Variants in CPA6 observed in about 807,000 individuals in gnomAD.
CPA6 encodes the protein carboxypeptidase B.
A neutral mutation model predicts 63.3 loss-of-function variants in CPA6; 58 were observed. That is an observed-to-expected ratio of 0.92 (90% CI 0.74 to 1.14). The LOEUF (loss-of-function observed/expected upper bound fraction) is 1.14, where lower values mean the gene tolerates loss of function less well. CPA6 is among the 50% of genes most tolerant of loss of function. The pLI, the probability that CPA6 is intolerant of heterozygous loss-of-function variation, is 0.00. For synonymous variants in CPA6, 185 were observed against 179.0 expected (o/e 1.03, Z -0.27); for missense variants, 565 against 526.6 (o/e 1.07, Z -0.71).
chr8:67,518,191 A>G, intron 2 of CPA6, 144 bp from the exon 3 acceptor site: 3 of 661,368 alleles, frequency 4.5e-6, no homozygotes, highest in Non-Finnish European at 7.0e-6. Context: ...TCATCAGGGT[A>G]AAACTATTTG....
intron 2 of CPA6, among the ~76,000 whole-genome samples, chr8:67,619,401 A>C (rs1454796211): frequency 6.6e-6 from 1 of 152,184 alleles, no homozygotes; most frequent in Non-Finnish European, 1.5e-5. Context: ...ATGGCTGGCT[A>C]GATTCTCTCT....
intron 5 of CPA6, among the ~76,000 whole-genome samples, 194 bp downstream of exon 5, chr8:67,509,323 T>C (rs1244362847): frequency 2.0e-5 from 3 of 152,188 alleles, no homozygotes; most frequent in Non-Finnish European, 1.5e-5. Context: ...GGCAAAAGTA[T>C]TCTCTGAAAT....
At chr8:67,475,810 TTTCTTTCCTTTCTTTTCTTTCTTTCTTTC>T (rs1811177675) in intron 8 of CPA6, among the ~76,000 whole-genome samples, 1 of 73,726 alleles carries the variant, frequency 1.4e-5, no homozygotes, top group Non-Finnish European at 2.5e-5. Context: ...TCTTTCTTTC[TTTCTTTCCTTTCTTTTCTTTCTTTCTTTC>T]TTTCTTTCTT....
intron 1 of CPA6, among the ~76,000 whole-genome samples, chr8:67,726,014 T>G (rs1817589802): frequency 6.6e-6 from 1 of 152,120 alleles, no homozygotes; most frequent in Non-Finnish European, 1.5e-5. Flanking sequence ...AGCTGCAAAT[T>G]TAAGATTTTT....
At chr8:67,562,746 G>C (rs1169824733) in intron 2 of CPA6, among the ~76,000 whole-genome samples, 2 of 152,162 alleles carry the variant, frequency 1.3e-5, no homozygotes, top group East Asian at 3.9e-4. Context: ...GAAAGATGCT[G>C]TCTCTCAATC....
intron 1 of CPA6, among the ~76,000 whole-genome samples, chr8:67,713,073 C>G (rs1426657390): frequency 5.1e-5 from 5 of 97,732 alleles, no homozygotes; most frequent in Admixed American, 2.3e-4. Flanking sequence ...ATGTGTGTAT[C>G]TGTGTGTGTA....
chr8:67,440,650 T>C (rs757004093), intron 8 of CPA6, among the ~76,000 whole-genome samples: 2 of 152,168 alleles, frequency 1.3e-5, no homozygotes, highest in Non-Finnish European at 2.9e-5. Flanking sequence ...TCATAGAATG[T>C]ACTTATGCAA....
intron 8 of CPA6, among the ~76,000 whole-genome samples, chr8:67,461,572 T>C (rs925164627): frequency 6.6e-6 from 1 of 152,234 alleles, no homozygotes; most frequent in African/African-American, 2.4e-5. Context: ...CAATGAGCTG[T>C]TGGGTACACC....
chr8:67,714,033 T>A (rs1817327920), intron 1 of CPA6, among the ~76,000 whole-genome samples: 1 of 152,212 alleles, frequency 6.6e-6, no homozygotes, highest in Non-Finnish European at 1.5e-5. Flanking sequence ...AAAATTTTTT[T>A]TTTAAATATC....
At chr8:67,585,027 G>A (rs888605821) in intron 2 of CPA6, among the ~76,000 whole-genome samples, 2 of 152,122 alleles carry the variant, frequency 1.3e-5, no homozygotes, top group African/African-American at 4.8e-5. Context: ...AGAATAATGT[G>A]ATAAGGAAAA....
chr8:67,517,004 A>C (rs901558103), intron 3 of CPA6, among the ~76,000 whole-genome samples: 12 of 151,956 alleles, frequency 7.9e-5, no homozygotes, highest in African/African-American at 1.2e-4. Flanking sequence ...ACCATGTGGA[A>C]CATCCTGGTC....
chr8:67,519,870 T>C (rs1257432077), intron 2 of CPA6, among the ~76,000 whole-genome samples: 1 of 152,216 alleles, frequency 6.6e-6, no homozygotes, highest in Non-Finnish European at 1.5e-5. Context: ...TTTAACAAGA[T>C]TGTCAGGCAT....
chr8:67,468,629 T>TAAAATAAAATAAAATAAAATAAA (rs1563964463), intron 8 of CPA6, among the ~76,000 whole-genome samples: 1 of 120,486 alleles, frequency 8.3e-6, no homozygotes, highest in African/African-American at 3.5e-5. Context: ...AATAAAATAA[T>TAAAATAAAATAAAATAAAATAAA]AATAATAAGA....
chr8:67,657,856 T>A (rs1816022303), intron 1 of CPA6, among the ~76,000 whole-genome samples: 1 of 152,308 alleles, frequency 6.6e-6, no homozygotes. Context: ...GCACTCTCCC[T>A]GCAGCCACCA....
chr8:67,603,396 T>C (rs1015108469), intron 2 of CPA6, among the ~76,000 whole-genome samples: 1 of 152,168 alleles, frequency 6.6e-6, no homozygotes, highest in Admixed American at 6.5e-5. Context: ...TACAAACACA[T>C]TTATTATATA....
At chr8:67,550,594 G>A (rs1022087804) in intron 2 of CPA6, among the ~76,000 whole-genome samples, 8 of 152,140 alleles carry the variant, frequency 5.3e-5, no homozygotes, top group African/African-American at 1.4e-4. Context: ...GTAGTCCTAA[G>A]TTCTCTGAGA....
In CPA6 at chr8:67,483,797, G is replaced by A. The variant is rs114402678; in HGVS notation, c.809C>T (p.Ala270Val). 5.5e-4 allele frequency: 892 copies of A among 1,614,054 alleles called. 2 individuals carry two copies. The African/African-American group carries it at 9.6e-3, about 17-fold the overall frequency. The change falls in exon 8 of 11, where the codon GCC (alanine) becomes GTC (valine). Residue 270 changes from alanine (A) to valine (V), a missense_variant. Ala to Val is a moderately conservative substitution (Grantham distance 64, BLOSUM62 0). Coordinates refer to ENST00000297770, the MANE Select transcript of CPA6 (RefSeq NM_020361.5). ...NSRFRCRGVD[A>V]NRNWKVKWCD... ...CCACTTCACTTTCCAGTTTCTATTG[G>A]CATCCACTCCACGGCAGCGAAACCT... is the stretch of plus-strand genomic sequence containing the variant.
chr8:67,710,100 G>A (rs982147575), intron 1 of CPA6, among the ~76,000 whole-genome samples: 27 of 146,964 alleles, frequency 1.8e-4, no homozygotes, highest in East Asian at 3.9e-4. Flanking sequence ...GCAACAGAGC[G>A]AGACTTGGTT....
chr8:67,611,877 C>A (rs181861072), intron 2 of CPA6, among the ~76,000 whole-genome samples: 135 of 152,318 alleles, frequency 8.9e-4, no homozygotes, highest in African/African-American at 2.1e-3. Flanking sequence ...CTAAATCTCA[C>A]CCTTCTGATA....
Sources: gnomAD v4.1 joint callset for allele counts (sites outside exome capture counted in the v4.1 genomes callset) on GRCh38, gnomAD v4.1.1 for gene constraint, MANE v1.5 for transcripts, NCBI Gene and HGNC (gene_info 2026-07-23, HGNC 2026-07-21) for gene names.